Variants in UNC13C observed in about 807,000 individuals in gnomAD.
UNC13C encodes protein unc-13 homolog C.
UNC13C carries 174 observed loss-of-function variants against 245.4 expected under a neutral mutation model. The observed-to-expected ratio is 0.71, with a 90% CI of 0.63 to 0.80. The LOEUF is 0.80. Among genes scored for constraint, UNC13C ranks in the 30% least tolerant of loss-of-function variants. The pLI is 0.00. For missense variants in UNC13C, 2,829 were observed against 2,602.9 expected (o/e 1.09, Z -1.89); for synonymous variants, 992 against 895.1 (o/e 1.11, Z -1.93).
At chr15:53,979,544 A>T (rs1361904087) in intron 1 of UNC13C, among the ~76,000 whole-genome samples, 1 of 152,228 alleles carries the variant, frequency 6.6e-6, no homozygotes, top group Non-Finnish European at 1.5e-5. Flanking sequence ...GTCTAAAAAA[A>T]TCCCTTTGGT....
chr15:54,218,631 G>A (rs1394938787), intron 4 of UNC13C, among the ~76,000 whole-genome samples: 1 of 151,884 alleles, frequency 6.6e-6, no homozygotes, highest in African/African-American at 2.4e-5. Flanking sequence ...AAAGGGGTTT[G>A]TTCTATATCC....
intron 29 of UNC13C, among the ~76,000 whole-genome samples, chr15:54,566,290 G>A (rs1157609899): frequency 6.6e-6 from 1 of 152,010 alleles, no homozygotes; most frequent in African/African-American, 2.4e-5. Flanking sequence ...CTCAAAGAAA[G>A]GAATTGTCAT....
At chr15:53,919,202 G>A in the UNC13C span, among the ~76,000 whole-genome samples, 16 of 152,260 alleles carry the variant, frequency 1.1e-4, no homozygotes, top group East Asian at 1.9e-4. Context: ...GGCAGGTTAC[G>A]TAATAATTAT....
intron 17 of UNC13C, 139 bp downstream of exon 17, chr15:54,338,628 T>G (rs929529265): frequency 2.1e-6 from 2 of 936,768 alleles, no homozygotes; most frequent in African/African-American, 3.3e-5. Context: ...TCCATACCTT[T>G]TCTTCATATT....
downstream of UNC13C, chr15:54,629,307 T>A (rs922226871): frequency 2.0e-5 from 3 of 151,966 alleles, no homozygotes; most frequent in Non-Finnish European, 4.4e-5. Flanking sequence ...AGGGAAAAGA[T>A]AAGAAAAAGT....
intron 10 of UNC13C, among the ~76,000 whole-genome samples, chr15:54,274,127 G>C (rs1222461186): frequency 6.6e-6 from 1 of 152,084 alleles, no homozygotes; most frequent in Non-Finnish European, 1.5e-5. Context: ...ATCGTCAACA[G>C]GGGGAGCCAG....
intron 2 of UNC13C, among the ~76,000 whole-genome samples, chr15:54,092,417 C>T (rs570591999): frequency 6.6e-6 from 1 of 152,262 alleles, no homozygotes; most frequent in African/African-American, 2.4e-5. Flanking sequence ...ATACTAGCAA[C>T]ATTTTATGAT....
the UNC13C span, among the ~76,000 whole-genome samples, chr15:53,969,358 T>C: frequency 1.3e-5 from 2 of 152,158 alleles, no homozygotes; most frequent in Admixed American, 6.5e-5. Flanking sequence ...ATTTGATAAA[T>C]TATTTTTGAA....
intron 2 of UNC13C, among the ~76,000 whole-genome samples, chr15:54,142,072 C>T (rs942645218): frequency 3.9e-5 from 6 of 152,110 alleles, no homozygotes; most frequent in East Asian, 1.9e-4. Context: ...GAAGTTTCTC[C>T]AGTTTTATGC....
intron 19 of UNC13C, among the ~76,000 whole-genome samples, chr15:54,439,449 A>G (rs1287088422): frequency 3.3e-5 from 5 of 151,952 alleles, no homozygotes; most frequent in Admixed American, 1.3e-4. Flanking sequence ...GATAATTTTG[A>G]AGTTATTTGA....
At chr15:54,063,238 A>G (rs190607210) in intron 2 of UNC13C, among the ~76,000 whole-genome samples, 2 of 152,170 alleles carry the variant, frequency 1.3e-5, no homozygotes, top group South Asian at 4.1e-4. Flanking sequence ...TTTCATTCTA[A>G]CCTGGCTGAT....
At chr15:54,530,882 A>T (rs1895708696) in intron 25 of UNC13C, among the ~76,000 whole-genome samples, 1 of 151,546 alleles carries the variant, frequency 6.6e-6, no homozygotes, top group South Asian at 2.1e-4. Flanking sequence ...GTCAAATACA[A>T]CTAGAGTTTT....
In UNC13C at chr15:54,014,382, T is replaced by A. The variant is rs200549369; in HGVS notation, c.1479T>A (p.Asn493Lys). 1.2e-6 allele frequency: 2 copies of A among 1,613,832 alleles called. No homozygotes were observed. Among genetic ancestry groups the A allele is most frequent in the Non-Finnish European group, 1.7e-6 (2 of 1,179,828 alleles). Residue 493 changes from asparagine (N) to lysine (K), a missense_variant, in exon 2 of 33, where the codon AAT (asparagine) becomes AAA (lysine). Coordinates refer to ENST00000260323, the MANE Select transcript of UNC13C (RefSeq NM_001080534.3). ...SSKSHSARSK[N>K]KTANSSRISN... Reference sequence around the variant, plus strand: ...AATCACACAGTGCTAGATCCAAGAATAAAACTGCTAATAGCAGCAGAATTT... The same window carrying A: ...AATCACACAGTGCTAGATCCAAGAAAAAAACTGCTAATAGCAGCAGAATTT...
the UNC13C span, chr15:53,972,862 G>C: frequency 6.6e-6 from 1 of 152,202 alleles, no homozygotes; most frequent in East Asian, 1.9e-4. Flanking sequence ...GTGTACATAC[G>C]TATTTAAGAC....
At chr15:54,167,365 G>A (rs1182690030) in intron 4 of UNC13C, among the ~76,000 whole-genome samples, 1 of 151,476 alleles carries the variant, frequency 6.6e-6, no homozygotes, top group African/African-American at 2.4e-5. Context: ...AGCCGGGCGT[G>A]ATGGTGGGCG....
At chr15:54,196,267 A>G (rs747026812) in intron 4 of UNC13C, among the ~76,000 whole-genome samples, 14 of 152,128 alleles carry the variant, frequency 9.2e-5, no homozygotes, top group Admixed American at 3.3e-4. Context: ...ACAAGCAAAC[A>G]GCTGTCAACT....
rs570358968 is a variant in UNC13C at position 54,309,880 on chromosome 15, G to A, written c.4268+9507G>A. Among the ~76,000 whole-genome samples, 418 of 151,844 alleles carry A rather than the reference G, an allele frequency of 2.8e-3. 3 individuals are homozygous for A. Among genetic ancestry groups the A allele is most frequent in the Non-Finnish European group, 4.1e-3 (280 of 67,850 alleles). On this transcript the variant is annotated intron_variant, in intron 13 of 32. Transcript: ENST00000260323. ...GTGTCTATTTTTATGTCAGTACCAT[G>A]TTTCATTATTTGCAGTAAGTATCAT...
At chr15:54,338,053 C>T (rs1423733741) in intron 16 of UNC13C, among the ~76,000 whole-genome samples, 1 of 152,062 alleles carries the variant, frequency 6.6e-6, no homozygotes, top group Non-Finnish European at 1.5e-5. Context: ...GCTGTATCAC[C>T]ATTATCTGGC....
chr15:54,483,073 G>A (rs966132414), intron 19 of UNC13C, among the ~76,000 whole-genome samples: 5 of 152,140 alleles, frequency 3.3e-5, no homozygotes, highest in South Asian at 2.1e-4. Flanking sequence ...TTCTAATATA[G>A]TGAATACTAG....
Sources: allele counts gnomAD v4.1 joint callset (sites outside exome capture counted in the v4.1 genomes callset), GRCh38; gene constraint gnomAD v4.1.1; transcripts MANE v1.5; gene names NCBI Gene and HGNC (gene_info 2026-07-23, HGNC 2026-07-21).